PRUNE2: variants seen among roughly 807,000 people sequenced by gnomAD.
PRUNE2 encodes prune homolog 2 with BCH domain, also known as protein prune homolog 2.
In PRUNE2, 164 loss-of-function variants were observed where a neutral mutation model predicts 252.0. That is an observed-to-expected ratio of 0.65 (90% confidence interval 0.57 to 0.74). The LOEUF is 0.74. Ranked by LOEUF, PRUNE2 falls within the 30% of genes least tolerant of loss-of-function variation. The probability of loss-of-function intolerance (pLI) is 0.00; values close to 1 mark genes in which losing one functional copy is unlikely to be tolerated. For missense variants in PRUNE2, 3,495 were observed against 3,711.0 expected, an observed-to-expected ratio of 0.94 and a Z score of 1.51; for synonymous variants, 1,292 against 1,350.2, an observed-to-expected ratio of 0.96 and a Z score of 0.94.
Position 76,624,128 on chromosome 9 carries a change from C to T in PRUNE2, c.9188+324G>A, listed in dbSNP as rs191789414. Among the ~76,000 whole-genome samples, 620 of 152,250 alleles carry T rather than the reference C, an allele frequency of 4.1e-3. 4 individuals carry two copies. The highest frequency in any genetic ancestry group is 0.014 in the African/African-American group (575 of 41,562). On this transcript the variant is annotated intron_variant, in intron 17 of 18. Transcript: ENST00000376718. ...ATGAATTAGTGAGGTTCTGTTGCCT[C>T]AATACCTAATGATCATCTCGATGTC...
intron 9 of PRUNE2, among the ~76,000 whole-genome samples, chr9:76,658,058 T>C (rs1237537811): frequency 6.6e-6 from 1 of 152,044 alleles, no homozygotes; most frequent in African/African-American, 2.4e-5. Context: ...CACAAACCCA[T>C]GGATATTAAA....
At chr9:76,888,840 T>TG (rs1554827431) in intron 1 of PRUNE2, among the ~76,000 whole-genome samples, 20 of 151,832 alleles carry the variant, frequency 1.3e-4, no homozygotes, top group Non-Finnish European at 2.9e-5. Context: ...GTTAATGTTT[T>TG]TTGTTGTTGT....
chr9:76,668,590 G>A (rs1207226827), intron 9 of PRUNE2, among the ~76,000 whole-genome samples: 1 of 152,036 alleles, frequency 6.6e-6, no homozygotes, highest in Admixed American at 6.6e-5. Flanking sequence ...GTGGAAGCTG[G>A]AGAGAGGCCT....
At chr9:76,676,077 C>CAAAAACAAA (rs71354670) in intron 9 of PRUNE2, among the ~76,000 whole-genome samples, 129,549 of 148,030 alleles carry the variant, frequency 0.88, 57,842 homozygotes, top group Non-Finnish European at 0.96. Context: ...AAAAAAAAAC[C>CAAAAACAAA]AAAAACAAAA....
intron 14 of PRUNE2, 107 bp downstream of exon 14, chr9:76,637,311 T>C: frequency 9.3e-7 from 1 of 1,078,958 alleles, no homozygotes; most frequent in South Asian, 1.5e-5. Context: ...TTATTGAGAC[T>C]TGGTTTCTTC....
intron 2 of PRUNE2, among the ~76,000 whole-genome samples, chr9:76,850,958 A>G (rs1392139529): frequency 2.0e-5 from 3 of 150,584 alleles, no homozygotes; most frequent in African/African-American, 7.4e-5. Flanking sequence ...ACTACATATG[A>G]TTAAAATTTA....
chr9:76,642,529 C>T, intron 12 of PRUNE2, among the ~76,000 whole-genome samples: 1 of 152,182 alleles, frequency 6.6e-6, no homozygotes, highest in South Asian at 2.1e-4. Context: ...TGGCACAGAG[C>T]ACTGTGTAGC....
intron 14 of PRUNE2, 52 bp downstream of exon 14, chr9:76,637,366 G>A: frequency 6.4e-7 from 1 of 1,572,920 alleles, no homozygotes; most frequent in Non-Finnish European, 8.7e-7. Context: ...TGGTTGTTTA[G>A]TCTTCAGTTT....
chr9:76,672,995 T>C (rs1238730183), intron 9 of PRUNE2, among the ~76,000 whole-genome samples: 2 of 148,226 alleles, frequency 1.3e-5, no homozygotes, highest in African/African-American at 5.0e-5. Flanking sequence ...TTAAAAGAAC[T>C]AGAAAAGCAA....
chr9:76,763,863 T>C (rs1657582264), intron 6 of PRUNE2, among the ~76,000 whole-genome samples: 1 of 152,066 alleles, frequency 6.6e-6, no homozygotes, highest in South Asian at 2.1e-4. Context: ...CATGAGTCAA[T>C]AAATAAAAGA....
chr9:76,642,475 GC>G (rs1264692997), intron 12 of PRUNE2, among the ~76,000 whole-genome samples: 1 of 152,180 alleles, frequency 6.6e-6, no homozygotes, highest in Admixed American at 6.5e-5. Flanking sequence ...TGGCTTTGGG[GC>G]TAACTTCTGC....
intron 6 of PRUNE2, chr9:76,737,335 G>T (rs2049165880): frequency 6.6e-6 from 1 of 152,152 alleles, no homozygotes; most frequent in African/African-American, 2.4e-5. Context: ...GCTCAATATT[G>T]AATCACTGGC....
intron 1 of PRUNE2, among the ~76,000 whole-genome samples, chr9:76,858,854 A>G (rs1248983853): frequency 1.3e-5 from 2 of 152,076 alleles, no homozygotes; most frequent in South Asian, 2.1e-4. Flanking sequence ...CAGGCTAAGG[A>G]AAGAACAGGT....
intron 6 of PRUNE2, among the ~76,000 whole-genome samples, chr9:76,770,819 A>G (rs2053013203): frequency 6.6e-6 from 1 of 152,226 alleles, no homozygotes; most frequent in African/African-American, 2.4e-5. Flanking sequence ...TCCAGAAATG[A>G]CTGCTCATAA....
At chr9:76,824,443 G>A (rs950496565) in intron 5 of PRUNE2, among the ~76,000 whole-genome samples, 1 of 152,144 alleles carries the variant, frequency 6.6e-6, no homozygotes, top group Non-Finnish European at 1.5e-5. Flanking sequence ...AATGTGACTC[G>A]TAAGACTATC....
intron 6 of PRUNE2, among the ~76,000 whole-genome samples, chr9:76,754,467 T>C (rs1229113819): frequency 6.6e-6 from 1 of 152,224 alleles, no homozygotes; most frequent in African/African-American, 2.4e-5. Context: ...TGGGCACGCA[T>C]GAACATCATT....
intron 6 of PRUNE2, among the ~76,000 whole-genome samples, chr9:76,720,712 C>T (rs1411436391): frequency 6.6e-6 from 1 of 151,984 alleles, no homozygotes; most frequent in Admixed American, 6.6e-5. Flanking sequence ...CAATTTTTGC[C>T]TTATGTTCTC....
intron 6 of PRUNE2, chr9:76,778,297 C>G (rs1343400): frequency 0.53 from 80,501 of 151,844 alleles, 23,091 homozygotes; most frequent in African/African-American, 0.75. Context: ...TCTTATGGCA[C>G]AAATACAGCC....
chr9:76,641,195 G>GAAATTTATAAATGAAAATGA (rs1192966492), intron 12 of PRUNE2, among the ~76,000 whole-genome samples: 2 of 152,110 alleles, frequency 1.3e-5, no homozygotes, highest in African/African-American at 2.4e-5. Flanking sequence ...AAAAAGTATG[G>GAAATTTATAAATGAAAATGA]AAATTTATAA....
Sources: gnomAD v4.1 joint callset for allele counts (sites outside exome capture counted in the v4.1 genomes callset) on GRCh38, gnomAD v4.1.1 for gene constraint, MANE v1.5 for transcripts, NCBI Gene and HGNC (gene_info 2026-07-23, HGNC 2026-07-21) for gene names.